Variants in B4GALT6 observed in about 807,000 individuals in gnomAD.
The protein encoded by B4GALT6 is beta-1,4-galactosyltransferase 6.
B4GALT6 carries 14 observed loss-of-function variants against 46.3 expected under a neutral mutation model. That is an observed-to-expected ratio of 0.30 (90% CI 0.20 to 0.47). B4GALT6 has a LOEUF of 0.47. B4GALT6 is among the 20% of genes least tolerant of loss of function. B4GALT6 has a pLI of 0.99. For synonymous variants in B4GALT6, 168 were observed against 162.0 expected (o/e 1.04, Z -0.28); for missense variants, 386 against 480.1 (o/e 0.80, Z 1.83).
At chr18:31,675,217 G>C (rs569460751) in intron 1 of B4GALT6, among the ~76,000 whole-genome samples, 1 of 152,310 alleles carries the variant, frequency 6.6e-6, no homozygotes, top group South Asian at 2.1e-4. Context: ...CTTTGTGTTT[G>C]AATACTGATC....
At chr18:31,632,707 GTAAA>G (rs2073806652) in intron 5 of B4GALT6, among the ~76,000 whole-genome samples, 1 of 152,124 alleles carries the variant, frequency 6.6e-6, no homozygotes, top group African/African-American at 2.4e-5. Context: ...TTAGGACTAT[GTAAA>G]TATTTAATAT....
chr18:31,693,567 G>A, the B4GALT6 span, among the ~76,000 whole-genome samples: 66 of 152,236 alleles, frequency 4.3e-4, no homozygotes, highest in African/African-American at 1.5e-3. Flanking sequence ...CCTAAGTGCA[G>A]TAGCAACAAA....
rs371274666 is a variant in B4GALT6 at position 31,630,517 on chromosome 18, G to T, written c.776+442C>A. Reference sequence around the variant, plus strand: ...CTTTGTGGCCCTCCAAACCATCACTGGGGGAGAGCAGGCAGGAGTCAAGAT... The same window carrying T: ...CTTTGTGGCCCTCCAAACCATCACTTGGGGAGAGCAGGCAGGAGTCAAGAT... On this transcript the variant is annotated intron_variant, in intron 6 of 8. Transcript: ENST00000306851. Among the ~76,000 whole-genome samples, 72 of 152,056 alleles carry T rather than the reference G, an allele frequency of 4.7e-4. No homozygotes were observed. The East Asian group carries it at 7.6e-3, about 16-fold the overall frequency.
At chr18:31,720,576 G>A in the B4GALT6 span, among the ~76,000 whole-genome samples, 3 of 152,240 alleles carry the variant, frequency 2.0e-5, no homozygotes, top group African/African-American at 7.2e-5. Flanking sequence ...TGGAGTAGAG[G>A]TCCCTCAATT....
Position 31,624,756 on chromosome 18 carries a change from A to AT in B4GALT6, c.*857dup, listed in dbSNP as rs1256772795. 1.3e-5 allele frequency: 2 copies of AT among 152,482 alleles called. No homozygotes were observed. 9.4% of individuals were successfully genotyped at this position (152,482 alleles called of 1,614,324 possible). A position where few individuals can be genotyped will look rare whatever the true frequency, so the allele number is the denominator to read the frequency against. On this transcript the variant is annotated 3_prime_UTR_variant, in exon 9 of 9. Transcript: ENST00000306851. ...AGTATAAACACACAACCTTGGAAAC[A>AT]TTTTTTGAGGCACAAAATCCCTGAC... is the stretch of plus-strand genomic sequence containing the variant.
chr18:31,695,203 A>C, the B4GALT6 span, among the ~76,000 whole-genome samples: 1 of 152,122 alleles, frequency 6.6e-6, no homozygotes, highest in Non-Finnish European at 1.5e-5. Context: ...GCAGGAGGAA[A>C]ACTTGTTAAA....
At chr18:31,718,790 T>C in the B4GALT6 span, 1 of 152,284 alleles carries the variant, frequency 6.6e-6, no homozygotes, top group African/African-American at 2.4e-5. Flanking sequence ...CATAACCAAC[T>C]GCTTCCTAGA....
chr18:31,690,973 C>T, the B4GALT6 span, among the ~76,000 whole-genome samples: 2 of 151,936 alleles, frequency 1.3e-5, no homozygotes, highest in Non-Finnish European at 2.9e-5. Context: ...GAACACCACA[C>T]ACCGGAGCCT....
intron 3 of B4GALT6, among the ~76,000 whole-genome samples, chr18:31,651,450 T>C (rs1285257815): frequency 6.6e-6 from 1 of 152,152 alleles, no homozygotes; most frequent in Non-Finnish European, 1.5e-5. Context: ...TAATTTATGA[T>C]TAGTTGACTT....
At chr18:31,691,830 T>G in the B4GALT6 span, among the ~76,000 whole-genome samples, 2,919 of 152,280 alleles carry the variant, frequency 0.019, 89 homozygotes, top group African/African-American at 0.066. Flanking sequence ...CGTCCTCTCT[T>G]AAGCTAAAAT....
chr18:31,646,991 T>A (rs16962246), intron 3 of B4GALT6, among the ~76,000 whole-genome samples: 13,518 of 152,268 alleles, frequency 0.089, 658 homozygotes, highest in Middle Eastern at 0.15. Context: ...CAGATTCATC[T>A]AAAAGAAAGA....
intron 1 of B4GALT6, among the ~76,000 whole-genome samples, chr18:31,668,861 A>C (rs1317428743): frequency 1.3e-5 from 2 of 150,146 alleles, no homozygotes; most frequent in African/African-American, 4.9e-5. Flanking sequence ...AAAAAAAAAA[A>C]CTAGCCAGGC....
At chr18:31,629,552 G>A (rs1475879809) in intron 6 of B4GALT6, among the ~76,000 whole-genome samples, 1 of 133,908 alleles carries the variant, frequency 7.5e-6, no homozygotes, top group South Asian at 2.5e-4. Flanking sequence ...TCCAGAAGTG[G>A]TAAGAACCAG....
the B4GALT6 span, chr18:31,724,356 C>T: frequency 1.5e-4 from 154 of 997,214 alleles, 2 homozygotes; most frequent in East Asian, 3.7e-3. Flanking sequence ...TGGAGTGGGT[C>T]CAGGACCCGC....
chr18:31,657,206 A>AAT lies in B4GALT6; in HGVS notation c.346+768_346+769dup, dbSNP rs200463429. On this transcript the variant is annotated intron_variant, in intron 3 of 8. Transcript: ENST00000306851. Reference sequence around the variant, plus strand: ...CACACTCTGTTGTTCTTTATACCAAAATATATATATATATTTTTTTTGCTA... The same window carrying AAT: ...CACACTCTGTTGTTCTTTATACCAAAATATATATATATATATTTTTTTTGCTA... 8.6e-3 allele frequency among the ~76,000 whole-genome samples: 1,312 copies of AAT among 151,716 alleles called. 16 individuals are homozygous for AAT. The highest frequency in any genetic ancestry group is 0.03 in the African/African-American group (1,230 of 41,336).
At chr18:31,721,733 G>A in the B4GALT6 span, among the ~76,000 whole-genome samples, 7 of 152,202 alleles carry the variant, frequency 4.6e-5, no homozygotes, top group Non-Finnish European at 1.0e-4. Context: ...CAGCCTGCTA[G>A]CCTGCCCTAC....
At chr18:31,673,323 A>G (rs186293658) in intron 1 of B4GALT6, among the ~76,000 whole-genome samples, 65 of 152,266 alleles carry the variant, frequency 4.3e-4, no homozygotes, top group African/African-American at 1.4e-3. Context: ...AGGATGAGAC[A>G]TAACTGTTAA....
At chr18:31,649,361 CACAGAATGAATG>C (rs1402933601) in intron 3 of B4GALT6, among the ~76,000 whole-genome samples, 2 of 152,172 alleles carry the variant, frequency 1.3e-5, no homozygotes, top group East Asian at 3.9e-4. Flanking sequence ...AATGCCTGGA[CACAGAATGAATG>C]AATGAATGAA....
At chr18:31,672,310 T>A (rs2144712700) in intron 1 of B4GALT6, among the ~76,000 whole-genome samples, 1 of 152,326 alleles carries the variant, frequency 6.6e-6, no homozygotes, top group East Asian at 1.9e-4. Flanking sequence ...CAATCTGGGA[T>A]GCAGTTATAA....
Sources: allele counts gnomAD v4.1 joint callset (sites outside exome capture counted in the v4.1 genomes callset), GRCh38; gene constraint gnomAD v4.1.1; transcripts MANE v1.5; gene names NCBI Gene and HGNC (gene_info 2026-07-23, HGNC 2026-07-21).